The following ATF2 variants were observed in gnomAD, a reference collection of about 807,000 sequenced individuals.
ATF2 encodes the protein activating transcription factor 2.
ATF2 carries 24 observed loss-of-function variants against 60.6 expected under a neutral mutation model. That is an observed-to-expected ratio of 0.40 (90% CI 0.29 to 0.56). The LOEUF (loss-of-function observed/expected upper bound fraction) is 0.56, where lower values mean the gene tolerates loss of function less well. Among genes scored for constraint, ATF2 ranks in the 20% least tolerant of loss-of-function variants. ATF2 has a pLI of 0.54. For synonymous variants in ATF2, 206 were observed against 215.4 expected, an observed-to-expected ratio of 0.96 and a Z score of 0.38; for missense variants, 433 against 607.7, an observed-to-expected ratio of 0.71 and a Z score of 3.02.
At chr2:175,156,370 C>CA (rs1699682634) in intron 1 of ATF2, among the ~76,000 whole-genome samples, 18 of 16,642 alleles carry the variant, frequency 1.1e-3, no homozygotes, top group East Asian at 2.0e-3. Flanking sequence ...GACTCTGTCT[C>CA]AAAAAACAAA....
At chr2:175,078,903 G>A (rs1693560738) in intron 13 of ATF2, among the ~76,000 whole-genome samples, 1 of 152,048 alleles carries the variant, frequency 6.6e-6, no homozygotes, top group Non-Finnish European at 1.5e-5. Context: ...CCCAAGATCT[G>A]AAGAGAATTA....
In ATF2 at chr2:175,092,751, A is replaced by G. The variant is rs1244633180; in HGVS notation, c.1185+310T>C. ...AGACAAGAAAAGTGAAATAACAGTG[A>G]TATTTTTAAATTTTAAAATTCTCTG... is the stretch of plus-strand genomic sequence containing the variant. On this transcript the variant is annotated intron_variant, in intron 12 of 13. Coordinates refer to ENST00000264110, the MANE Select transcript of ATF2 (RefSeq NM_001880.4). 7.7e-6 allele frequency: 3 copies of G among 388,488 alleles called. No homozygotes were observed. In the East Asian group the frequency reaches 1.8e-4, roughly 23 times the overall value. The allele number at this position is 388,488 out of a possible 1,614,324, so 24.1% of individuals were successfully genotyped here.
At chr2:175,167,535 G>A (rs1219483161) in intron 1 of ATF2, 1 of 438,190 alleles carries the variant, frequency 2.3e-6, no homozygotes, top group Non-Finnish European at 4.9e-6. Context: ...CGCGCCTCCC[G>A]ATCCTCCTCC....
At chr2:175,083,805 A>AT (rs1217548332) in intron 12 of ATF2, among the ~76,000 whole-genome samples, 1 of 152,354 alleles carries the variant, frequency 6.6e-6, no homozygotes, top group African/African-American at 2.4e-5. Flanking sequence ...CAAGAAAAAA[A>AT]CAAAGAACCC....
At chr2:175,099,015 T>A (rs1346506422) in intron 10 of ATF2, among the ~76,000 whole-genome samples, 1 of 152,022 alleles carries the variant, frequency 6.6e-6, no homozygotes, top group East Asian at 1.9e-4. Flanking sequence ...TAAAATAAAG[T>A]CAATTTGTAA....
chr2:175,160,904 G>A (rs1699987123), intron 1 of ATF2, among the ~76,000 whole-genome samples: 2 of 152,036 alleles, frequency 1.3e-5, no homozygotes, highest in African/African-American at 4.8e-5. Context: ...TGAGTGTGGT[G>A]GCATGTGAGT....
chr2:175,154,105 T>G (rs1001966509), intron 1 of ATF2, among the ~76,000 whole-genome samples: 1 of 150,292 alleles, frequency 6.7e-6, no homozygotes, highest in African/African-American at 2.4e-5. Flanking sequence ...TCCCAGCTAC[T>G]CAGGAGGCTG....
chr2:175,128,556 AT>A (rs1335152242), intron 4 of ATF2, among the ~76,000 whole-genome samples: 1 of 152,136 alleles, frequency 6.6e-6, no homozygotes, highest in Non-Finnish European at 1.5e-5. Context: ...ACAAAAATTA[AT>A]TCAAGATTAA....
intron 12 of ATF2, 66 bp downstream of exon 12, chr2:175,092,995 A>G: frequency 1.3e-6 from 2 of 1,560,200 alleles, no homozygotes; most frequent in East Asian, 4.5e-5. Flanking sequence ...CAACTAGGAA[A>G]AAAAAAATCT....
chr2:175,127,716 T>TA (rs1697435212), intron 4 of ATF2, among the ~76,000 whole-genome samples: 2 of 152,218 alleles, frequency 1.3e-5, no homozygotes, highest in African/African-American at 4.8e-5. Flanking sequence ...GCTGCTCCTT[T>TA]AGTCTAGAAA....
At chr2:175,093,448 G>A (rs1281368524) in intron 11 of ATF2, among the ~76,000 whole-genome samples, 181 bp from the exon 12 acceptor site, 1 of 152,052 alleles carries the variant, frequency 6.6e-6, no homozygotes, top group African/African-American at 2.4e-5. Flanking sequence ...ATATACTTAT[G>A]TTATGAGCTA....
intron 10 of ATF2, among the ~76,000 whole-genome samples, chr2:175,109,415 A>G (rs189983735): frequency 9.9e-4 from 151 of 152,310 alleles, no homozygotes; most frequent in African/African-American, 3.5e-3. Flanking sequence ...AAATTCTATA[A>G]CTAATCTATG....
chr2:175,120,625 A>C (rs1416159189), intron 5 of ATF2, among the ~76,000 whole-genome samples: 1 of 151,742 alleles, frequency 6.6e-6, no homozygotes, highest in Non-Finnish European at 1.5e-5. Flanking sequence ...TTTACAAGAG[A>C]AAAGAAAAAT....
At chr2:175,087,374 A>C (rs888694059) in intron 12 of ATF2, among the ~76,000 whole-genome samples, 2 of 152,104 alleles carry the variant, frequency 1.3e-5, no homozygotes, top group South Asian at 2.1e-4. Context: ...AATCTAATGT[A>C]AATTATTTTG....
intron 10 of ATF2, among the ~76,000 whole-genome samples, chr2:175,101,276 A>G (rs1383264205): frequency 1.3e-5 from 2 of 152,210 alleles, no homozygotes; most frequent in East Asian, 3.8e-4. Flanking sequence ...AAAACGATCA[A>G]GAAGTATTTA....
At chr2:175,108,324 G>C in intron 10 of ATF2, among the ~76,000 whole-genome samples, 1 of 151,648 alleles carries the variant, frequency 6.6e-6, no homozygotes, top group African/African-American at 2.4e-5. Context: ...AGGGAGGTGG[G>C]GGGTCAACCC....
At chr2:175,117,643 T>C (rs1033163436) in intron 7 of ATF2, among the ~76,000 whole-genome samples, 2 of 152,004 alleles carry the variant, frequency 1.3e-5, no homozygotes, top group Non-Finnish European at 2.9e-5. Flanking sequence ...AAAAAACCAC[T>C]GTTCAAATAA....
At chr2:175,116,189 T>C (rs1696558143) in intron 7 of ATF2, among the ~76,000 whole-genome samples, 1 of 152,062 alleles carries the variant, frequency 6.6e-6, no homozygotes, top group Non-Finnish European at 1.5e-5. Context: ...GAAAATGGAT[T>C]GGAGGTAGAA....
intron 1 of ATF2, among the ~76,000 whole-genome samples, chr2:175,165,847 G>C (rs1700316086): frequency 6.6e-6 from 1 of 152,178 alleles, no homozygotes; most frequent in African/African-American, 2.4e-5. Flanking sequence ...GGTATTTTTA[G>C]TAGAGACGGG....
Sources: gnomAD v4.1 joint callset for allele counts (sites outside exome capture counted in the v4.1 genomes callset) on GRCh38, gnomAD v4.1.1 for gene constraint, MANE v1.5 for transcripts, NCBI Gene and HGNC (gene_info 2026-07-23, HGNC 2026-07-21) for gene names.